Variants in SLC25A26 observed in about 807,000 individuals in gnomAD.
SLC25A26 encodes solute carrier family 25 member 26.
In SLC25A26, 36 loss-of-function variants were observed where a neutral mutation model predicts 37.8. The observed-to-expected ratio is 0.95, with a 90% CI of 0.73 to 1.26. The LOEUF is 1.26. Among genes scored for constraint, SLC25A26 ranks in the 50% most tolerant of loss-of-function variants. The pLI is 0.00. For missense variants in SLC25A26, 390 were observed against 331.1 expected (o/e 1.18, Z -1.38); for synonymous variants, 129 against 122.5 (o/e 1.05, Z -0.35).
intron 7 of SLC25A26, among the ~76,000 whole-genome samples, chr3:66,366,967 C>T (rs899455241): frequency 2.0e-5 from 3 of 152,180 alleles, no homozygotes; most frequent in African/African-American, 4.8e-5. Context: ...TCCTGGCATG[C>T]CAGATACGAA....
chr3:66,168,438 CA>C (rs1391544710), intron 1 of SLC25A26, among the ~76,000 whole-genome samples: 1 of 152,022 alleles, frequency 6.6e-6, no homozygotes, highest in Non-Finnish European at 1.5e-5. Context: ...AAAACTTTTG[CA>C]GTTTTTAAAT....
chr3:66,144,601 C>T (rs1158124109), intron 1 of SLC25A26, among the ~76,000 whole-genome samples: 1 of 151,972 alleles, frequency 6.6e-6, no homozygotes. Flanking sequence ...AAGAAGCATA[C>T]CATAATGCCA....
chr3:66,346,730 G>C (rs2076334426), intron 6 of SLC25A26, among the ~76,000 whole-genome samples: 1 of 144,804 alleles, frequency 6.9e-6, no homozygotes, highest in South Asian at 2.1e-4. Context: ...GTGTGTGTGT[G>C]TGTGTGTGTG....
chr3:66,276,728 A>G (rs2074161903), intron 5 of SLC25A26, among the ~76,000 whole-genome samples: 1 of 152,096 alleles, frequency 6.6e-6, no homozygotes, highest in Non-Finnish European at 1.5e-5. Flanking sequence ...GTTTTGGTAT[A>G]CATAGCCAAG....
intron 5 of SLC25A26, among the ~76,000 whole-genome samples, chr3:66,283,219 A>G (rs888267531): frequency 2.0e-5 from 3 of 152,164 alleles, no homozygotes; most frequent in Admixed American, 1.3e-4. Flanking sequence ...AAATGCAGGA[A>G]TGGGTTTGCT....
chr3:66,256,099 TCACTCTTGA>T (rs2073290248), intron 3 of SLC25A26, among the ~76,000 whole-genome samples: 1 of 152,216 alleles, frequency 6.6e-6, no homozygotes, highest in Admixed American at 6.5e-5. Context: ...GGGTCGGATT[TCACTCTTGA>T]CCTCTTGAAT....
At chr3:66,305,666 A>G (rs1446319107) in intron 5 of SLC25A26, among the ~76,000 whole-genome samples, 8 of 151,042 alleles carry the variant, frequency 5.3e-5, no homozygotes, top group Non-Finnish European at 1.0e-4. Flanking sequence ...CCCTGTGTCC[A>G]TGTGTTCTCA....
At chr3:66,358,184 C>G (rs1262115120) in intron 6 of SLC25A26, among the ~76,000 whole-genome samples, 1 of 152,094 alleles carries the variant, frequency 6.6e-6, no homozygotes, top group Non-Finnish European at 1.5e-5. Context: ...ATTCTGTTGT[C>G]CCTCCAAATA....
intron 5 of SLC25A26, among the ~76,000 whole-genome samples, chr3:66,338,505 TA>T (rs760224123): frequency 9.2e-5 from 14 of 151,802 alleles, no homozygotes; most frequent in South Asian, 8.3e-4. Flanking sequence ...TTGCGGCTTC[TA>T]AAAAAAAATT....
At chr3:66,373,068 C>T (rs573588646) in intron 9 of SLC25A26, among the ~76,000 whole-genome samples, 21 of 152,150 alleles carry the variant, frequency 1.4e-4, no homozygotes, top group Non-Finnish European at 2.9e-4. Context: ...AAACAAACAC[C>T]GCGTGTTCAT....
At chr3:66,215,993 A>G (rs1464060385) in intron 1 of SLC25A26, among the ~76,000 whole-genome samples, 3 of 152,284 alleles carry the variant, frequency 2.0e-5, no homozygotes, top group South Asian at 2.1e-4. Context: ...GGTACTTTTG[A>G]ACAGTATCCT....
chr3:66,188,509 C>T (rs954986244), intron 1 of SLC25A26, among the ~76,000 whole-genome samples: 2 of 151,868 alleles, frequency 1.3e-5, no homozygotes, highest in African/African-American at 4.8e-5. Flanking sequence ...GAGCCCGGTA[C>T]CTCCCCTTCT....
intron 5 of SLC25A26, among the ~76,000 whole-genome samples, chr3:66,282,103 C>T (rs1326216710): frequency 2.0e-5 from 3 of 149,462 alleles, no homozygotes; most frequent in Non-Finnish European, 4.4e-5. Flanking sequence ...GCTCCGCTTC[C>T]CAGGTTCACG....
chr3:66,332,655 G>A (rs532348167), intron 5 of SLC25A26, among the ~76,000 whole-genome samples: 2 of 152,100 alleles, frequency 1.3e-5, no homozygotes, highest in East Asian at 1.9e-4. Flanking sequence ...CAAGCCATCC[G>A]CCTGCCTTGG....
intron 5 of SLC25A26, among the ~76,000 whole-genome samples, chr3:66,342,394 T>A (rs978093800): frequency 6.6e-6 from 1 of 152,212 alleles, no homozygotes; most frequent in African/African-American, 2.4e-5. Flanking sequence ...TACAGTCAAG[T>A]CTTACTTATT....
At chr3:66,220,147 T>C (rs902655047), upstream of SLC25A26, among the ~76,000 whole-genome samples, 2 of 152,234 alleles carry the variant, frequency 1.3e-5, no homozygotes, top group Non-Finnish European at 2.9e-5. Flanking sequence ...CAGTGCTTGC[T>C]CTGCTGTGTT....
At position 66,270,042 on chromosome 3, in the gene SLC25A26, C is replaced by T. The variant is rs1451227499; in HGVS notation, c.453+6663C>T. 2.6e-5 allele frequency among the ~76,000 whole-genome samples: 4 copies of T among 152,098 alleles called. No individual in the cohort carries two copies. In the East Asian group the frequency reaches 7.7e-4, roughly 29 times the overall value. On this transcript the variant is annotated intron_variant, in intron 5 of 9. Transcript: ENST00000354883. Reference sequence around the variant, plus strand: ...TTTTTGTTCAGATGCTGCCTGACGTCATGATCATTTCAGAAAGGTGAGGGA... The same window carrying T: ...TTTTTGTTCAGATGCTGCCTGACGTTATGATCATTTCAGAAAGGTGAGGGA...
intron 1 of SLC25A26, among the ~76,000 whole-genome samples, chr3:66,151,952 C>A (rs1415757704): frequency 6.6e-6 from 1 of 152,056 alleles, no homozygotes; most frequent in East Asian, 1.9e-4. Context: ...CTAAATATAT[C>A]TTTGTAGAAT....
chr3:66,371,262 C>CTT, intron 9 of SLC25A26: 1 of 1,548,060 alleles, frequency 6.5e-7, no homozygotes, highest in Non-Finnish European at 8.7e-7. Context: ...TGCAGAGGGT[C>CTT]GGTCGGCAGC....
Sources: allele counts gnomAD v4.1 joint callset (sites outside exome capture counted in the v4.1 genomes callset), GRCh38; gene constraint gnomAD v4.1.1; transcripts MANE v1.5; gene names NCBI Gene and HGNC (gene_info 2026-07-23, HGNC 2026-07-21).